The following MDM4 variants were observed in gnomAD, a reference collection of about 807,000 sequenced individuals.
MDM4 encodes MDM4 regulator of p53, also known as protein Mdm4.
A neutral mutation model predicts 60.2 loss-of-function variants in MDM4; 2 were observed. The ratio of observed to expected loss-of-function variants is 0.03; its 90% confidence interval spans 0.01 to 0.10. The LOEUF (loss-of-function observed/expected upper bound fraction) is 0.10, where lower values mean the gene tolerates loss of function less well. Ranked by LOEUF, MDM4 falls within the 10% of genes least tolerant of loss-of-function variation. MDM4 has a pLI of 1.00. For synonymous variants in MDM4, 202 were observed against 198.1 expected, an observed-to-expected ratio of 1.02 and a Z score of -0.17; for missense variants, 447 against 577.5, an observed-to-expected ratio of 0.77 and a Z score of 2.32.
rs55958721 is a variant in MDM4 at position 204,549,215 on chromosome 1, A to G, written c.1006A>G (p.Lys336Glu). 10 of 1,613,946 alleles carry G rather than the reference A, an allele frequency of 6.2e-6. No individual in the cohort carries two copies. The highest frequency in any genetic ancestry group is 4.0e-5 in the African/African-American group (3 of 75,038). The stretch of plus-strand genomic sequence containing the variant: ...GAAGGATTGGTATTCAGATTGTTCA[A>G]AGTTAACCCATTCTCTCTCCACGTC... The part of the protein sequence containing the change: ...LRKDWYSDCS[K>E]LTHSLSTSDI... The change falls in exon 11 of 11, where the codon AAG (lysine) becomes GAG (glutamate). Residue 336 changes from lysine (K) to glutamate (E), a missense_variant. Lys to Glu is a moderately conservative substitution (Grantham distance 56). Transcript: ENST00000367182.
rs1294207786 is a variant in MDM4, at chr1:204,551,944, A to G, written c.*2262A>G. ...GAAGAAGAATTGTCTTGGACCACAC[A>G]TAAAATACACTAACACTAACAATAG... On this transcript the variant is annotated 3_prime_UTR_variant, in exon 11 of 11. Transcript: ENST00000367182. 1.1e-5 allele frequency: 2 copies of G among 182,414 alleles called. No homozygotes were observed. Among genetic ancestry groups the G allele is most frequent in the African/African-American group, 4.8e-5 (2 of 42,096 alleles). The allele number at this position is 182,414 out of a possible 1,614,324, so 11.3% of individuals were successfully genotyped here.
chr1:204,549,793 C>A lies in MDM4; in HGVS notation c.*111C>A. The A allele has an allele frequency of 1.4e-6, 1 of 698,944 alleles. No homozygotes were observed. The highest frequency in any genetic ancestry group is 1.8e-5 in the African/African-American group (1 of 55,296). 43.3% of individuals were successfully genotyped at this position (698,944 alleles called of 1,614,324 possible). A position where few individuals can be genotyped will look rare whatever the true frequency, so the allele number is the denominator to read the frequency against. Reference sequence around the variant, plus strand: ...CCTGTCAGAGAATGTTCTTAGGCATCAAAATCCAAGGTAGCTGTAAGAAAA... The same window carrying A: ...CCTGTCAGAGAATGTTCTTAGGCATAAAAATCCAAGGTAGCTGTAAGAAAA... On this transcript the variant is annotated 3_prime_UTR_variant, in exon 11 of 11. Coordinates refer to ENST00000367182, the MANE Select transcript of MDM4 (RefSeq NM_002393.5).
chr1:204,548,436 G>A (rs1350009903), intron 10 of MDM4, among the ~76,000 whole-genome samples: 1 of 152,120 alleles, frequency 6.6e-6, no homozygotes, highest in Non-Finnish European at 1.5e-5. Context: ...CCAGTTAACC[G>A]CATTAAATAT....
intron 7 of MDM4, among the ~76,000 whole-genome samples, chr1:204,540,788 T>A (rs1353112894): frequency 6.6e-6 from 1 of 151,998 alleles, no homozygotes; most frequent in South Asian, 2.1e-4. Context: ...AAAAACACTT[T>A]CTAAAATTAG....
At chr1:204,545,574 G>A (rs1662576856) in intron 9 of MDM4, among the ~76,000 whole-genome samples, 1 of 152,160 alleles carries the variant, frequency 6.6e-6, no homozygotes, top group South Asian at 2.1e-4. Flanking sequence ...GTTCCTGAAG[G>A]ATACCCTAGT....
At chr1:204,545,390 T>C (rs371788523) in intron 9 of MDM4, among the ~76,000 whole-genome samples, 71 of 152,300 alleles carry the variant, frequency 4.7e-4, no homozygotes, top group East Asian at 4.1e-3. Flanking sequence ...TATGTACTCA[T>C]GTACAGATGA....
In MDM4 at chr1:204,532,136, A is replaced by C. The variant is rs146966988; in HGVS notation, c.288-55A>C. ...TTTAATATTTAACGGCAAACCACTG[A>C]TATCTTCATAGTGGCATTTGGGGTT... is the stretch of plus-strand genomic sequence containing the variant. On this transcript the variant is annotated intron_variant, in intron 4 of 10. Coordinates refer to ENST00000367182, the MANE Select transcript of MDM4 (RefSeq NM_002393.5). 35 of 1,036,666 alleles carry C rather than the reference A, an allele frequency of 3.4e-5. No homozygotes were observed. In the East Asian group the frequency reaches 8.3e-4, roughly 25 times the overall value. The allele number at this position is 1,036,666 out of a possible 1,614,324, so 64.2% of individuals were successfully genotyped here.
rs1663513373 is a variant in MDM4 at position 204,555,997 on chromosome 1, C to T, written c.*6315C>T. ...TTCTGATCAGATAGTCCCCTGTCAA[C>T]AGTAGCAAATGTGGTTTCATAAAGT... On this transcript the variant is annotated 3_prime_UTR_variant, in exon 11 of 11. Coordinates refer to ENST00000367182, the MANE Select transcript of MDM4 (RefSeq NM_002393.5). The T allele has an allele frequency of 4.7e-6, 1 of 210,770 alleles. No individual in the cohort carries two copies. The highest frequency in any genetic ancestry group is 2.3e-5 in the African/African-American group (1 of 43,978). 13.1% of individuals were successfully genotyped at this position (210,770 alleles called of 1,614,324 possible). A position where few individuals can be genotyped will look rare whatever the true frequency, so the allele number is the denominator to read the frequency against.
chr1:204,523,981 G>A lies in MDM4; in HGVS notation c.-35-1503G>A, dbSNP rs369014495. Among the ~76,000 whole-genome samples the A allele has an allele frequency of 2.0e-3, 309 of 152,184 alleles. 1 individual carries two copies. Among genetic ancestry groups the A allele is most frequent in the African/African-American group, 6.9e-3 (288 of 41,496 alleles). On this transcript the variant is annotated intron_variant, in intron 1 of 10. Transcript: ENST00000367182. ...GGGGTATGAGCTGGAGTGGCTGGGC[G>A]AGTAGTATGGCGGGAAGAACAGTTA...
chr1:204,542,995 C>T, intron 8 of MDM4, 51 bp downstream of exon 8: 2 of 1,456,058 alleles, frequency 1.4e-6, no homozygotes, highest in Non-Finnish European at 1.9e-6. Flanking sequence ...GAAAGGGTAA[C>T]ATTCTTGGTT....
rs1435090236 is a variant in MDM4 at position 204,558,094 on chromosome 1, A to G, written c.*8412A>G. 3 of 179,106 alleles carry G rather than the reference A, an allele frequency of 1.7e-5. No homozygotes were observed. Among genetic ancestry groups the G allele is most frequent in the Non-Finnish European group, 2.4e-5 (2 of 83,780 alleles). The allele number at this position is 179,106 out of a possible 1,614,324, so 11.1% of individuals were successfully genotyped here. A position where few individuals can be genotyped will look rare whatever the true frequency, so the allele number is the denominator to read the frequency against. On this transcript the variant is annotated 3_prime_UTR_variant, in exon 11 of 11. Coordinates refer to ENST00000367182, the MANE Select transcript of MDM4 (RefSeq NM_002393.5). ...TAATACTTTTTAATTGTGCTTTTTT[A>G]TGTATTAAATGTTTTTCCTTTTGCC... is the stretch of plus-strand genomic sequence containing the variant.
At position 204,550,633 on chromosome 1, in the gene MDM4, C is replaced by A. The variant is rs2169135; in HGVS notation, c.*951C>A. On this transcript the variant is annotated 3_prime_UTR_variant, in exon 11 of 11. Coordinates refer to ENST00000367182, the MANE Select transcript of MDM4 (RefSeq NM_002393.5). ...CTGGAGTGCAGTGGTGCAAACACGG[C>A]CCACCTCCTGGGCTCAAGTGATCCT... is the stretch of plus-strand genomic sequence containing the variant. The A allele has an allele frequency of 0.028, 5,062 of 177,806 alleles. 109 individuals carry two copies. Among genetic ancestry groups the A allele is most frequent in the Middle Eastern group, 0.082 (39 of 478 alleles). The allele number at this position is 177,806 out of a possible 1,614,324, so 11.0% of individuals were successfully genotyped here.
chr1:204,523,892 C>T (rs1418024739), intron 1 of MDM4, among the ~76,000 whole-genome samples: 1 of 152,018 alleles, frequency 6.6e-6, no homozygotes, highest in Non-Finnish European at 1.5e-5. Context: ...GTGTTGTTCC[C>T]GTATTGGCTA....
chr1:204,547,102 T>C (rs1457292555), intron 10 of MDM4, among the ~76,000 whole-genome samples: 2 of 152,188 alleles, frequency 1.3e-5, no homozygotes, highest in Non-Finnish European at 2.9e-5. Flanking sequence ...TTGAAAAGGA[T>C]GAGATAAATG....
At chr1:204,534,447 T>C (rs1661183672) in intron 5 of MDM4, among the ~76,000 whole-genome samples, 1 of 152,236 alleles carries the variant, frequency 6.6e-6, no homozygotes, top group Non-Finnish European at 1.5e-5. Context: ...TCTTGTACTT[T>C]CTCTGCAGAA....
In MDM4 at chr1:204,555,846, C is replaced by CA. The variant is rs1313880821; in HGVS notation, c.*6165dup. On this transcript the variant is annotated 3_prime_UTR_variant, in exon 11 of 11. Coordinates refer to ENST00000367182, the MANE Select transcript of MDM4 (RefSeq NM_002393.5). ...CACCACTGCGCTCCCACCTGGGTGA[C>CA]AGAGACTCTGTCTCAAAAAAAAGGA... is the stretch of plus-strand genomic sequence containing the variant. 1 of 184,402 alleles carries CA rather than the reference C, an allele frequency of 5.4e-6. No homozygotes were observed. Among genetic ancestry groups the CA allele is most frequent in the East Asian group, 8.9e-5 (1 of 11,276 alleles). The allele number at this position is 184,402 out of a possible 1,614,324, so 11.4% of individuals were successfully genotyped here. A position where few individuals can be genotyped will look rare whatever the true frequency, so the allele number is the denominator to read the frequency against.
chr1:204,523,360 G>A lies in MDM4; in HGVS notation c.-35-2124G>A, dbSNP rs576540442. Among the ~76,000 whole-genome samples, 431 of 149,618 alleles carry A rather than the reference G, an allele frequency of 2.9e-3. 1 individual carries two copies. Among genetic ancestry groups the A allele is most frequent in the Middle Eastern group, 6.8e-3 (2 of 292 alleles). On this transcript the variant is annotated intron_variant, in intron 1 of 10. Transcript: ENST00000367182. ...TGGGCGCCTGTAGTCCCAGCTACTC[G>A]GGAGGCTGAGGCAGGAGAATGGTGT...
At chr1:204,520,058 A>G in intron 1 of MDM4, among the ~76,000 whole-genome samples, 1 of 152,106 alleles carries the variant, frequency 6.6e-6, no homozygotes, top group Admixed American at 6.6e-5. Context: ...CGGGCGGATC[A>G]CGAGGTCAGG....
At chr1:204,544,172 G>A (rs1044232679) in intron 8 of MDM4, among the ~76,000 whole-genome samples, 3 of 152,164 alleles carry the variant, frequency 2.0e-5, no homozygotes, top group Admixed American at 6.6e-5. Flanking sequence ...AGAACTAATG[G>A]AATGTTTTGT....
Sources: allele counts gnomAD v4.1 joint callset (sites outside exome capture counted in the v4.1 genomes callset), GRCh38; gene constraint gnomAD v4.1.1; transcripts MANE v1.5; gene names NCBI Gene and HGNC (gene_info 2026-07-23, HGNC 2026-07-21).